CALN1: variants seen among roughly 807,000 people sequenced by gnomAD.
CALN1 encodes calcium-binding protein 8.
A neutral mutation model predicts 30.6 loss-of-function variants in CALN1; 17 were observed. The ratio of observed to expected loss-of-function variants is 0.56; its 90% CI spans 0.38 to 0.83. The LOEUF (loss-of-function observed/expected upper bound fraction) is 0.83. Among genes scored for constraint, CALN1 ranks in the 40% least tolerant of loss-of-function variants. The probability of loss-of-function intolerance (pLI) is 0.00; values close to 1 mark genes in which losing one functional copy is unlikely to be tolerated. For missense variants in CALN1, 291 were observed against 354.9 expected, an observed-to-expected ratio of 0.82 and a Z score of 1.45; for synonymous variants, 156 against 131.4, an observed-to-expected ratio of 1.19 and a Z score of -1.28.
intron 2 of CALN1, 90 bp downstream of exon 2, chr7:72,403,161 C>A (rs1037187572): frequency 1.0e-5 from 9 of 893,046 alleles, no homozygotes; most frequent in Admixed American, 2.5e-5. Flanking sequence ...AGACACGCAG[C>A]AGCGGCAAAG....
rs535487291 is a variant in CALN1, at chr7:72,403,392, CAGAG to C, written c.-27_-24del. 14 of 1,530,756 alleles carry C rather than the reference CAGAG, an allele frequency of 9.1e-6. No homozygotes were observed. Among genetic ancestry groups the C allele is most frequent in the South Asian group, 4.8e-5 (4 of 83,360 alleles). 94.8% of individuals were successfully genotyped at this position (1,530,756 alleles called of 1,614,324 possible). ...CATCGGGGGTCCAGGGCGATGTTCT[CAGAG>C]AGAGTTAGAAGCTCATCAAAGGAAC... On this transcript the variant is annotated 5_prime_UTR_variant, in exon 2 of 7. Transcript: ENST00000395275.
At chr7:72,390,950 T>C (rs1270293816) in intron 2 of CALN1, among the ~76,000 whole-genome samples, 1 of 152,232 alleles carries the variant, frequency 6.6e-6, no homozygotes, top group Non-Finnish European at 1.5e-5. Context: ...AAGGGATCCA[T>C]GCACCAAAAG....
At chr7:72,369,844 C>T (rs115737989) in intron 2 of CALN1, among the ~76,000 whole-genome samples, 110 of 152,166 alleles carry the variant, frequency 7.2e-4, no homozygotes, top group African/African-American at 2.5e-3. Flanking sequence ...ATGAATACAC[C>T]ACAATTTGTT....
At chr7:72,137,526 C>G (rs1312283610) in intron 3 of CALN1, among the ~76,000 whole-genome samples, 2 of 152,082 alleles carry the variant, frequency 1.3e-5, no homozygotes, top group South Asian at 4.1e-4. Context: ...TTGCCACAAA[C>G]CTTTAATTTG....
At chr7:71,956,208 G>A (rs186634312) in intron 5 of CALN1, among the ~76,000 whole-genome samples, 1,665 of 151,904 alleles carry the variant, frequency 0.011, 29 homozygotes, top group African/African-American at 0.038. Flanking sequence ...GGCTGGTCTC[G>A]AACTCCTGAC....
intron 2 of CALN1, among the ~76,000 whole-genome samples, chr7:72,286,915 G>A (rs1798119155): frequency 6.6e-6 from 1 of 152,162 alleles, no homozygotes; most frequent in Non-Finnish European, 1.5e-5. Flanking sequence ...AATTCATAAA[G>A]AAATATCAGA....
chr7:72,184,896 G>A (rs901091905), intron 3 of CALN1, among the ~76,000 whole-genome samples: 5 of 151,920 alleles, frequency 3.3e-5, no homozygotes. Context: ...GGACTCAAGT[G>A]ATCCCCCATC....
chr7:71,876,546 T>C (rs1243825295), intron 5 of CALN1, among the ~76,000 whole-genome samples: 1 of 152,174 alleles, frequency 6.6e-6, no homozygotes, highest in Non-Finnish European at 1.5e-5. Flanking sequence ...CAAGTCTTTT[T>C]ATAAAAAATT....
intron 5 of CALN1, among the ~76,000 whole-genome samples, chr7:71,948,430 A>T (rs1177977531): frequency 6.6e-6 from 1 of 152,014 alleles, no homozygotes; most frequent in Non-Finnish European, 1.5e-5. Flanking sequence ...ACTGAGCTCC[A>T]TTAGAATTTG....
rs1185925518 is a variant in CALN1 at position 72,001,917 on chromosome 7, CAACA to C, written c.501+21736_501+21739del. Among the ~76,000 whole-genome samples, 12 of 152,216 alleles carry C rather than the reference CAACA, an allele frequency of 7.9e-5. No individual in the cohort carries two copies. The East Asian group carries it at 2.3e-3, about 29-fold the overall frequency. ...AGTCAATCAACATAATCCACCATAT[CAACA>C]AACTAAAGAAGAAAATCATATAACC... is the stretch of plus-strand genomic sequence containing the variant. On this transcript the variant is annotated intron_variant, in intron 5 of 6. Transcript: ENST00000395275.
At chr7:71,898,633 C>A (rs1476278561) in intron 5 of CALN1, among the ~76,000 whole-genome samples, 1 of 152,056 alleles carries the variant, frequency 6.6e-6, no homozygotes, top group Non-Finnish European at 1.5e-5. Flanking sequence ...CCCAACAAAG[C>A]CCAAGGAAGA....
intron 4 of CALN1, among the ~76,000 whole-genome samples, chr7:72,102,716 G>A (rs1397053544): frequency 1.3e-5 from 2 of 152,196 alleles, no homozygotes; most frequent in African/African-American, 4.8e-5. Flanking sequence ...TATAGAGACA[G>A]AAAATAGAGA....
At chr7:71,978,439 A>AT (rs541132456) in intron 5 of CALN1, among the ~76,000 whole-genome samples, 8 of 150,660 alleles carry the variant, frequency 5.3e-5, no homozygotes, top group East Asian at 2.0e-4. Context: ...CGCCCAGCTA[A>AT]TTTTTTTTGT....
the CALN1 span, among the ~76,000 whole-genome samples, chr7:72,491,967 T>C: frequency 6.6e-6 from 1 of 152,142 alleles, no homozygotes; most frequent in Non-Finnish European, 1.5e-5. Context: ...AACTAAGATA[T>C]GGGGCAAACT....
intron 3 of CALN1, among the ~76,000 whole-genome samples, chr7:72,214,187 T>C (rs1036481709): frequency 1.4e-4 from 21 of 152,194 alleles, no homozygotes; most frequent in Non-Finnish European, 1.5e-5. Flanking sequence ...TTTATAAATA[T>C]TTGTATATTA....
At chr7:72,325,659 A>C (rs553748299) in intron 2 of CALN1, among the ~76,000 whole-genome samples, 1 of 152,312 alleles carries the variant, frequency 6.6e-6, no homozygotes, top group Admixed American at 6.5e-5. Flanking sequence ...TAAAATAAAA[A>C]TAATGCAGGA....
intron 5 of CALN1, among the ~76,000 whole-genome samples, chr7:71,997,091 T>C (rs376345022): frequency 6.6e-6 from 1 of 152,126 alleles, no homozygotes; most frequent in African/African-American, 2.4e-5. Flanking sequence ...TAGCTGGTTG[T>C]GGTGGCATGC....
chr7:72,238,156 GAAT>G, intron 3 of CALN1, among the ~76,000 whole-genome samples: 1 of 152,220 alleles, frequency 6.6e-6, no homozygotes, highest in East Asian at 1.9e-4. Flanking sequence ...TGTTGCTCAG[GAAT>G]AATACTCTTA....
chr7:72,152,918 T>C (rs1787368582), intron 3 of CALN1, among the ~76,000 whole-genome samples: 1 of 152,216 alleles, frequency 6.6e-6, no homozygotes, highest in Non-Finnish European at 1.5e-5. Context: ...CCCCAGACTG[T>C]TCCTTGCCAG....
Sources: gnomAD v4.1 joint callset for allele counts (sites outside exome capture counted in the v4.1 genomes callset) on GRCh38, gnomAD v4.1.1 for gene constraint, MANE v1.5 for transcripts, NCBI Gene and HGNC (gene_info 2026-07-23, HGNC 2026-07-21) for gene names.